The following CTNND2 variants were observed in gnomAD, a reference collection of about 807,000 sequenced individuals.
CTNND2 encodes catenin delta 2.
CTNND2 carries 22 observed loss-of-function variants against 144.4 expected under a neutral mutation model. The ratio of observed to expected loss-of-function variants is 0.15; its 90% CI spans 0.11 to 0.22. The LOEUF (loss-of-function observed/expected upper bound fraction) is 0.22. CTNND2 is among the 10% of genes least tolerant of loss of function. The pLI is 1.00. For missense variants in CTNND2, 1,353 were observed against 1,618.8 expected, an observed-to-expected ratio of 0.84 and a Z score of 2.82; for synonymous variants, 751 against 695.6, an observed-to-expected ratio of 1.08 and a Z score of -1.25.
chr5:11,284,510 G>A (rs532360585), intron 9 of CTNND2, among the ~76,000 whole-genome samples: 2 of 152,224 alleles, frequency 1.3e-5, no homozygotes, highest in South Asian at 2.1e-4. Context: ...GAGAACATGA[G>A]GTGTTTGGTT....
At chr5:11,715,206 T>C (rs893479797) in intron 2 of CTNND2, among the ~76,000 whole-genome samples, 5 of 152,304 alleles carry the variant, frequency 3.3e-5, no homozygotes, top group Admixed American at 1.3e-4. Context: ...ATGTGAATGA[T>C]ACTATCAAGC....
At chr5:11,401,761 G>A (rs993082642) in intron 5 of CTNND2, among the ~76,000 whole-genome samples, 6 of 152,096 alleles carry the variant, frequency 3.9e-5, no homozygotes, top group African/African-American at 1.4e-4. Flanking sequence ...GTTACTCGTG[G>A]GCCTGGGGTT....
In CTNND2 at chr5:11,903,920, G is replaced by T. The variant is rs548161340; in HGVS notation, c.-67C>A. 5.0e-5 allele frequency: 69 copies of T among 1,388,718 alleles called. No homozygotes were observed. In the Admixed American group the frequency reaches 1.0e-3, roughly 21 times the overall value. The allele number at this position is 1,388,718 out of a possible 1,614,324, so 86.0% of individuals were successfully genotyped here. ...GTGCGCGGCGCCGCCCGGCTTCAGG[G>T]CAAGGTCCTGACCTTGCCCAACTGC... On this transcript the variant is annotated 5_prime_UTR_variant, in exon 1 of 22. Coordinates refer to ENST00000304623, the MANE Select transcript of CTNND2 (RefSeq NM_001332.4). The surrounding 1 kb of genome is among the most constrained non-coding windows in gnomAD (Gnocchi z 5.4).
chr5:11,626,041 T>C (rs1781133869), intron 2 of CTNND2, among the ~76,000 whole-genome samples: 1 of 152,166 alleles, frequency 6.6e-6, no homozygotes, highest in African/African-American at 2.4e-5. Flanking sequence ...TCAGCCTATT[T>C]CAAAGACTGA....
At position 11,384,852 on chromosome 5, in the gene CTNND2, G is replaced by A; in HGVS notation, c.990C>T (p.Arg330=). 1 of 1,612,820 alleles carries A rather than the reference G, an allele frequency of 6.2e-7. No individual in the cohort carries two copies. The highest frequency in any genetic ancestry group is 8.5e-7 in the Non-Finnish European group (1 of 1,179,622). Residue 330 remains arginine (R), a synonymous_variant, in exon 7 of 22, where the codon CGC becomes CGT. Transcript: ENST00000304623. This position sits in a 1 kb window ranked among gnomAD's most constrained non-coding sequence, Gnocchi z 5.2. ...ACTGCACGGTGGGGGGCGAGGTCAC[G>A]CGGATCGGGGACAGGCCGGCCGAGG... ...VVSSAGLSPI[R]VTSPPTVQST... is the part of the protein sequence containing the mutation.
At chr5:11,375,539 A>G (rs543712245) in intron 7 of CTNND2, among the ~76,000 whole-genome samples, 25 of 152,202 alleles carry the variant, frequency 1.6e-4, no homozygotes, top group Non-Finnish European at 2.9e-4. Flanking sequence ...ATATGTGTGT[A>G]TGTGCATGTA....
Position 11,869,545 on chromosome 5 carries a change from T to C in CTNND2, c.37+34272A>G, listed in dbSNP as rs375308658. ...TAGCCAAATTCATAAAGACAGGAAG[T>C]AGACTGATGTTGGCTATGGGCTGCA... On this transcript the variant is annotated intron_variant, in intron 1 of 21. Coordinates refer to ENST00000304623, the MANE Select transcript of CTNND2 (RefSeq NM_001332.4). Among the ~76,000 whole-genome samples the C allele has an allele frequency of 2.6e-5, 4 of 152,156 alleles. No individual in the cohort carries two copies. In the East Asian group the frequency reaches 5.8e-4, roughly 22 times the overall value.
intron 12 of CTNND2, among the ~76,000 whole-genome samples, chr5:11,129,116 AT>A (rs1206099279): frequency 2.9e-4 from 6 of 20,734 alleles, no homozygotes; most frequent in African/African-American, 1.5e-3. Context: ...TATATATATT[AT>A]ATATAATATA....
intron 10 of CTNND2, among the ~76,000 whole-genome samples, chr5:11,202,713 C>T (rs572439272): frequency 1.3e-5 from 2 of 152,320 alleles, no homozygotes; most frequent in South Asian, 4.1e-4. Context: ...CTTCTGGTGG[C>T]TGTGCGTGGC....
chr5:11,150,248 C>T (rs1398927150), intron 12 of CTNND2, among the ~76,000 whole-genome samples: 14 of 152,148 alleles, frequency 9.2e-5, no homozygotes, highest in Non-Finnish European at 8.8e-5. Flanking sequence ...CCAGACCTCC[C>T]GCTGAGCCTC....
chr5:11,362,918 C>T (rs963458773), intron 8 of CTNND2, among the ~76,000 whole-genome samples: 7 of 152,250 alleles, frequency 4.6e-5, no homozygotes, highest in African/African-American at 1.7e-4. Flanking sequence ...CCCTGCAGGG[C>T]CCAAGCCACC....
intron 14 of CTNND2, among the ~76,000 whole-genome samples, chr5:11,099,325 G>C (rs145097983): frequency 2.6e-5 from 4 of 152,248 alleles, no homozygotes; most frequent in African/African-American, 4.8e-5. Flanking sequence ...ATGAGCTACA[G>C]GCAAATCTAG....
chr5:11,103,307 G>C (rs928809211), intron 14 of CTNND2, among the ~76,000 whole-genome samples: 15 of 152,010 alleles, frequency 9.9e-5, no homozygotes, highest in African/African-American at 3.6e-4. Flanking sequence ...TATCTCAGTT[G>C]GGTTTGAGAA....
At position 11,225,476 on chromosome 5, in the gene CTNND2, C is replaced by A. The variant is rs150866624; in HGVS notation, c.1761+11215G>T. Among the ~76,000 whole-genome samples the A allele has an allele frequency of 4.4e-3, 665 of 152,326 alleles. 4 individuals are homozygous for A. Among genetic ancestry groups the A allele is most frequent in the African/African-American group, 0.015 (637 of 41,572 alleles). On this transcript the variant is annotated intron_variant, in intron 10 of 21. Coordinates refer to ENST00000304623, the MANE Select transcript of CTNND2 (RefSeq NM_001332.4). Reference sequence around the variant, plus strand: ...CCCAGTGAATTTACCCATTTCCCATCTTCTTCAGAGATTCTCTTCCTCTTC... The same window carrying A: ...CCCAGTGAATTTACCCATTTCCCATATTCTTCAGAGATTCTCTTCCTCTTC...
At chr5:11,833,108 C>A (rs927366427) in intron 1 of CTNND2, among the ~76,000 whole-genome samples, 2 of 152,130 alleles carry the variant, frequency 1.3e-5, no homozygotes, top group Admixed American at 6.5e-5. Context: ...GCTAAGCATG[C>A]AATTAAGAAT....
intron 10 of CTNND2, among the ~76,000 whole-genome samples, chr5:11,222,460 T>C (rs972971552): frequency 6.6e-6 from 1 of 152,168 alleles, no homozygotes; most frequent in African/African-American, 2.4e-5. Context: ...ATTGGTCTGA[T>C]TCCTTAACTT....
At chr5:11,818,086 A>G (rs1793108563) in intron 1 of CTNND2, among the ~76,000 whole-genome samples, 1 of 136,884 alleles carries the variant, frequency 7.3e-6, no homozygotes, top group African/African-American at 3.0e-5. Context: ...GGTAGGTTCT[A>G]CAACACATGC....
At chr5:11,410,853 T>C (rs901211079) in intron 5 of CTNND2, among the ~76,000 whole-genome samples, 1 of 151,994 alleles carries the variant, frequency 6.6e-6, no homozygotes, top group African/African-American at 2.4e-5. Flanking sequence ...GTGATCTCTA[T>C]GAGTAAAGCA....
intron 9 of CTNND2, among the ~76,000 whole-genome samples, chr5:11,302,123 C>T (rs1038366229): frequency 2.0e-5 from 3 of 152,130 alleles, no homozygotes; most frequent in Non-Finnish European, 2.9e-5. Context: ...GCTTTTTCTT[C>T]GTAATTAATT....
Sources: gnomAD v4.1 joint callset for allele counts (sites outside exome capture counted in the v4.1 genomes callset) on GRCh38, gnomAD v4.1.1 for gene constraint, Gnocchi (gnomAD v3.1) non-coding constraint, MANE v1.5 for transcripts, NCBI Gene and HGNC (gene_info 2026-07-23, HGNC 2026-07-21) for gene names.